KAZN: variants seen among roughly 807,000 people sequenced by gnomAD.
KAZN encodes the protein kazrin, periplakin interacting protein.
KAZN carries 40 observed loss-of-function variants against 87.4 expected under a neutral mutation model. The observed-to-expected ratio is 0.46, with a 90% CI of 0.36 to 0.60. The LOEUF is 0.60. Among genes scored for constraint, KAZN ranks in the 20% least tolerant of loss-of-function variants. The probability of loss-of-function intolerance (pLI) is 0.00; values close to 1 mark genes in which losing one functional copy is unlikely to be tolerated. For synonymous variants in KAZN, 466 were observed against 458.3 expected, an observed-to-expected ratio of 1.02 and a Z score of -0.22; for missense variants, 898 against 1,073.9, an observed-to-expected ratio of 0.84 and a Z score of 2.29.
At chr1:14,244,984 G>A (rs1228874154) in intron 2 of KAZN, among the ~76,000 whole-genome samples, 1 of 151,914 alleles carries the variant, frequency 6.6e-6, no homozygotes, top group Non-Finnish European at 1.5e-5. Context: ...TTTTGGAGAT[G>A]GAGTCTTGCT....
intron 1 of KAZN, among the ~76,000 whole-genome samples, chr1:14,806,832 G>C (rs1186783607): frequency 6.6e-6 from 1 of 152,174 alleles, no homozygotes; most frequent in Non-Finnish European, 1.5e-5. Flanking sequence ...AATCCAGATA[G>C]TCTGGGTAAC....
intron 1 of KAZN, among the ~76,000 whole-genome samples, chr1:14,131,233 G>C (rs374032075): frequency 3.3e-5 from 5 of 152,178 alleles, no homozygotes; most frequent in East Asian, 1.9e-4. Flanking sequence ...ACCTCCCACT[G>C]TGTCCCTCCC....
chr1:14,832,087 T>C (rs1235893299), intron 1 of KAZN, among the ~76,000 whole-genome samples: 1 of 151,958 alleles, frequency 6.6e-6, no homozygotes, highest in East Asian at 1.9e-4. Flanking sequence ...TCCCAGCTAC[T>C]TGAGAGGCTG....
chr1:14,213,429 G>T lies in KAZN; in HGVS notation c.249+32837G>T, dbSNP rs564656195. ...ATAGGATGGCCTGTTTGTAGCACAG[G>T]CCTGAAGAGATGAAGTAGGGATTCA... On this transcript the variant is annotated intron_variant, in intron 2 of 16. Coordinates refer to the KAZN transcript ENST00000636203. Among the ~76,000 whole-genome samples, 20 of 152,308 alleles carry T rather than the reference G, an allele frequency of 1.3e-4. No homozygotes were observed. In the East Asian group the frequency reaches 3.9e-3, roughly 29 times the overall value.
At chr1:14,784,004 A>C (rs971820540) in intron 1 of KAZN, among the ~76,000 whole-genome samples, 5 of 152,206 alleles carry the variant, frequency 3.3e-5, no homozygotes, top group African/African-American at 1.2e-4. Context: ...GAGTTCAACC[A>C]GAGAAGCAGA....
chr1:14,071,151 C>G (rs1490347774), intron 1 of KAZN, among the ~76,000 whole-genome samples: 1 of 151,986 alleles, frequency 6.6e-6, no homozygotes, highest in African/African-American at 2.4e-5. Context: ...GGGTCAAGCA[C>G]AAGACAGCTG....
chr1:14,559,709 G>A (rs74057865), intron 2 of KAZN, among the ~76,000 whole-genome samples: 2 of 152,134 alleles, frequency 1.3e-5, no homozygotes, highest in Admixed American at 6.5e-5. Flanking sequence ...TAGAGGTAAG[G>A]ATCCCCCACT....
At chr1:14,033,271 C>G (rs769947987) in intron 1 of KAZN, among the ~76,000 whole-genome samples, 8 of 152,176 alleles carry the variant, frequency 5.3e-5, no homozygotes, top group Non-Finnish European at 1.0e-4. Flanking sequence ...GGATAGCACT[C>G]AGGAGCCACA....
chr1:14,551,217 G>C (rs1298679939), intron 2 of KAZN, among the ~76,000 whole-genome samples: 1 of 152,080 alleles, frequency 6.6e-6, no homozygotes, highest in Non-Finnish European at 1.5e-5. Context: ...CCTCTGCACC[G>C]ACTCATATGG....
chr1:15,055,278 A>AGG, intron 4 of KAZN, among the ~76,000 whole-genome samples: 1 of 152,152 alleles, frequency 6.6e-6, no homozygotes, highest in African/African-American at 2.4e-5. Context: ...GGAGTTCAAG[A>AGG]CCAGCCTGGC....
intron 1 of KAZN, among the ~76,000 whole-genome samples, chr1:14,737,116 G>A (rs1042894151): frequency 2.0e-5 from 3 of 152,194 alleles, no homozygotes; most frequent in African/African-American, 7.2e-5. Flanking sequence ...TGGGAGATCA[G>A]GGCCAGCCTC....
At chr1:15,048,410 G>A (rs994336963) in intron 4 of KAZN, among the ~76,000 whole-genome samples, 1 of 146,086 alleles carries the variant, frequency 6.8e-6, no homozygotes, top group Non-Finnish European at 1.5e-5. Context: ...CCAAGGGACC[G>A]CATGTGTGTG....
chr1:14,026,035 A>G (rs565251785), intron 1 of KAZN, among the ~76,000 whole-genome samples: 1 of 152,312 alleles, frequency 6.6e-6, no homozygotes, highest in African/African-American at 2.4e-5. Flanking sequence ...AAGACAGTAC[A>G]TAATTATGAA....
At chr1:14,676,393 C>G (rs927374260) in intron 1 of KAZN, among the ~76,000 whole-genome samples, 1 of 149,360 alleles carries the variant, frequency 6.7e-6, no homozygotes, top group Non-Finnish European at 1.5e-5. Context: ...GTCTAGCCAG[C>G]TAAGCAGCCT....
At chr1:14,274,553 G>A (rs561268290) in intron 2 of KAZN, among the ~76,000 whole-genome samples, 2 of 152,300 alleles carry the variant, frequency 1.3e-5, no homozygotes, top group Non-Finnish European at 2.9e-5. Flanking sequence ...GAACAGGCTG[G>A]CTTGAGGCTT....
At chr1:14,686,162 G>T (rs1640939772) in intron 1 of KAZN, among the ~76,000 whole-genome samples, 1 of 152,138 alleles carries the variant, frequency 6.6e-6, no homozygotes, top group Non-Finnish European at 1.5e-5. Flanking sequence ...TCCACCTCCT[G>T]GGTTCAAGTG....
At chr1:14,706,738 A>T (rs1353353500) in intron 1 of KAZN, among the ~76,000 whole-genome samples, 2 of 152,246 alleles carry the variant, frequency 1.3e-5, no homozygotes, top group Non-Finnish European at 2.9e-5. Context: ...CACTCAGCAC[A>T]TAACAGTTTC....
intron 2 of KAZN, among the ~76,000 whole-genome samples, chr1:14,288,142 T>C (rs1226982225): frequency 6.6e-6 from 1 of 152,224 alleles, no homozygotes; most frequent in African/African-American, 2.4e-5. Context: ...AAAATTCTCT[T>C]TTTTTGTTGT....
intron 3 of KAZN, among the ~76,000 whole-genome samples, chr1:15,037,526 C>T (rs1400484266): frequency 6.6e-6 from 1 of 152,224 alleles, no homozygotes; most frequent in Non-Finnish European, 1.5e-5. Flanking sequence ...CCAGTGCTGT[C>T]AGACCTGAGG....
Sources: gnomAD v4.1 joint callset for allele counts (sites outside exome capture counted in the v4.1 genomes callset) on GRCh38, gnomAD v4.1.1 for gene constraint, MANE v1.5 for transcripts, NCBI Gene and HGNC (gene_info 2026-07-23, HGNC 2026-07-21) for gene names.